Variants in TCF7L1 observed in about 807,000 individuals in gnomAD.
TCF7L1 encodes the protein transcription factor 7-like 1.
In TCF7L1, 18 loss-of-function variants were observed where a neutral mutation model predicts 63.7. The observed-to-expected ratio is 0.28, with a 90% CI of 0.20 to 0.42. The LOEUF is 0.42. Among genes scored for constraint, TCF7L1 ranks in the 10% least tolerant of loss-of-function variants. The pLI, the probability that TCF7L1 is intolerant of heterozygous loss-of-function variation, is 1.00. For missense variants in TCF7L1, 654 were observed against 779.3 expected (o/e 0.84, Z 1.91); for synonymous variants, 355 against 340.9 (o/e 1.04, Z -0.46).
At chr2:85,142,488 A>G (rs1358782382) in intron 3 of TCF7L1, among the ~76,000 whole-genome samples, 1 of 149,656 alleles carries the variant, frequency 6.7e-6, no homozygotes, top group Admixed American at 6.7e-5. Flanking sequence ...TATAATATAT[A>G]TATATATATA....
intron 3 of TCF7L1, among the ~76,000 whole-genome samples, chr2:85,135,268 GC>G (rs1444520666): frequency 2.0e-5 from 3 of 152,162 alleles, no homozygotes; most frequent in Non-Finnish European, 2.9e-5. Flanking sequence ...GCAGCTGGGG[GC>G]TGGCGAGGCC....
chr2:85,304,215 G>A (rs750355118), intron 6 of TCF7L1, 40 bp from the exon 7 acceptor site: 2 of 1,591,116 alleles, frequency 1.3e-6, no homozygotes, highest in Non-Finnish European at 1.7e-6. Flanking sequence ...TCTGCCCTGA[G>A]CTTTCCCAAT....
chr2:85,230,669 AT>A (rs1446541290), intron 3 of TCF7L1, among the ~76,000 whole-genome samples: 3 of 152,030 alleles, frequency 2.0e-5, no homozygotes, highest in Non-Finnish European at 4.4e-5. Context: ...ATATCACCAG[AT>A]TTCCTTGCAG....
At chr2:85,163,239 A>G (rs1258208127) in intron 3 of TCF7L1, among the ~76,000 whole-genome samples, 1 of 152,146 alleles carries the variant, frequency 6.6e-6, no homozygotes, top group African/African-American at 2.4e-5. Flanking sequence ...AGGGGCTTCT[A>G]ATATGCAGCC....
Position 85,298,191 on chromosome 2 carries a change from C to CAAAAAAAAAAAAAAAAAAA in TCF7L1, c.526-4278_526-4277insAAAAAAAAAAAAAAAAAAA, listed in dbSNP as rs759348807. ...TGGGTGACAGAGTGAGACTCCATCTCAAAAAAAAAAAAAAAGTGCAGGCCG... is the reference window on the plus strand; with the variant it reads ...TGGGTGACAGAGTGAGACTCCATCTCAAAAAAAAAAAAAAAAAAAAAAAAAAAAAAAAAAGTGCAGGCCG... On this transcript the variant is annotated intron_variant, in intron 4 of 11. Transcript: ENST00000282111. 2.2e-4 allele frequency among the ~76,000 whole-genome samples: 10 copies of CAAAAAAAAAAAAAAAAAAA among 44,728 alleles called. 2 individuals carry two copies. The highest frequency in any genetic ancestry group is 5.7e-4 in the Admixed American group (2 of 3,480). The allele number at this position is 44,728 out of a possible 152,430, so 29.3% of individuals were successfully genotyped here.
At position 85,207,280 on chromosome 2, in the gene TCF7L1, G is replaced by A. The variant is rs1040897051; in HGVS notation, c.441+72830G>A. Among the ~76,000 whole-genome samples the A allele has an allele frequency of 1.8e-4, 27 of 152,134 alleles. 1 individual carries two copies. Among genetic ancestry groups the A allele is most frequent in the Admixed American group, 1.0e-3 (16 of 15,258 alleles). On this transcript the variant is annotated intron_variant, in intron 3 of 11. Transcript: ENST00000282111. ...CACAAAGCAGTGGTTGCTGGCAGGT[G>A]TGGCCTGACCCTTGTTGTCTTTCAC...
chr2:85,139,054 G>C (rs1456051070), intron 3 of TCF7L1, among the ~76,000 whole-genome samples: 7 of 151,646 alleles, frequency 4.6e-5, no homozygotes, highest in Admixed American at 4.6e-4. Context: ...TGTCGCCCAG[G>C]CTGGAGTGTA....
chr2:85,240,140 G>C (rs1466539783), intron 3 of TCF7L1, among the ~76,000 whole-genome samples: 1 of 152,218 alleles, frequency 6.6e-6, no homozygotes, highest in African/African-American at 2.4e-5. Flanking sequence ...CCTGTGGCCT[G>C]CATGCCATTT....
At chr2:85,280,339 G>A (rs1286442359) in intron 3 of TCF7L1, among the ~76,000 whole-genome samples, 1 of 152,152 alleles carries the variant, frequency 6.6e-6, no homozygotes, top group Non-Finnish European at 1.5e-5. Context: ...AAATGTCATA[G>A]TGCTGAGCCT....
chr2:85,151,302 C>T (rs1678009363), intron 3 of TCF7L1, among the ~76,000 whole-genome samples: 1 of 152,150 alleles, frequency 6.6e-6, no homozygotes, highest in Admixed American at 6.6e-5. Context: ...CTAAGTGCAA[C>T]CTCATGATAT....
At chr2:85,276,535 G>A (rs536757702) in intron 3 of TCF7L1, among the ~76,000 whole-genome samples, 3 of 152,238 alleles carry the variant, frequency 2.0e-5, no homozygotes, top group South Asian at 4.1e-4. Flanking sequence ...GAAGCGATCC[G>A]TGTCTCCCCG....
rs1682213990 is a variant in TCF7L1 at position 85,309,185 on chromosome 2, C to T, written c.1490C>T (p.Ser497Leu). ...ASPAAPAATH[S>L]EQAQPLSLTT... ...CCAGCTGCCCCTGCTGCCACCCATT[C>T]GGAGCAAGCCCAGCCCCTCTCCCTC... Residue 497 changes from serine to leucine, a missense_variant, in exon 12 of 12, where the codon TCG becomes TTG. Transcript: ENST00000282111. 1.9e-6 allele frequency: 3 copies of T among 1,614,074 alleles called. No homozygotes were observed. The highest frequency in any genetic ancestry group is 2.5e-6 in the Non-Finnish European group (3 of 1,180,020).
chr2:85,275,027 A>G (rs1681240224), intron 3 of TCF7L1, among the ~76,000 whole-genome samples: 1 of 152,212 alleles, frequency 6.6e-6, no homozygotes, highest in Non-Finnish European at 1.5e-5. Flanking sequence ...AAGGTGATGT[A>G]CACAGGCACA....
chr2:85,181,589 T>C (rs1286185175), intron 3 of TCF7L1, among the ~76,000 whole-genome samples: 1 of 152,084 alleles, frequency 6.6e-6, no homozygotes, highest in East Asian at 1.9e-4. Flanking sequence ...CATTCCTTTT[T>C]GTAGTTGAAT....
intron 3 of TCF7L1, among the ~76,000 whole-genome samples, chr2:85,189,820 G>A (rs915953387): frequency 1.3e-5 from 2 of 152,182 alleles, no homozygotes; most frequent in Admixed American, 6.5e-5. Context: ...GGGGCGCTGC[G>A]AGCCTTGCAC....
intron 3 of TCF7L1, among the ~76,000 whole-genome samples, chr2:85,148,392 T>C (rs1207441801): frequency 6.6e-6 from 1 of 152,186 alleles, no homozygotes; most frequent in Non-Finnish European, 1.5e-5. Flanking sequence ...GCAGTGTGTC[T>C]AGGGGGGTCT....
At chr2:85,151,490 C>A (rs1348479302) in intron 3 of TCF7L1, among the ~76,000 whole-genome samples, 1 of 152,156 alleles carries the variant, frequency 6.6e-6, no homozygotes, top group Non-Finnish European at 1.5e-5. Context: ...GATTATCTCT[C>A]TGTGATGTCA....
intron 3 of TCF7L1, among the ~76,000 whole-genome samples, chr2:85,251,456 A>T (rs546686411): frequency 5.9e-5 from 9 of 152,304 alleles, no homozygotes; most frequent in African/African-American, 2.2e-4. Flanking sequence ...GTTTCCATAA[A>T]GGCTTTTTCT....
chr2:85,207,854 G>C (rs1283288160), intron 3 of TCF7L1, among the ~76,000 whole-genome samples: 1 of 152,188 alleles, frequency 6.6e-6, no homozygotes, highest in African/African-American at 2.4e-5. Flanking sequence ...TATTCTGAGT[G>C]TAAGGTAGGC....
Sources: gnomAD v4.1 joint callset for allele counts (sites outside exome capture counted in the v4.1 genomes callset) on GRCh38, gnomAD v4.1.1 for gene constraint, MANE v1.5 for transcripts, NCBI Gene and HGNC (gene_info 2026-07-23, HGNC 2026-07-21) for gene names.